The following A1CF variants were observed in gnomAD, a reference collection of about 807,000 sequenced individuals.
The protein encoded by A1CF is APOBEC-1 stimulating protein.
A1CF carries 48 observed loss-of-function variants against 68.9 expected under a neutral mutation model. The ratio of observed to expected loss-of-function variants is 0.70; its 90% CI spans 0.55 to 0.89. A1CF has a LOEUF of 0.89. Ranked by LOEUF, A1CF falls within the 40% of genes least tolerant of loss-of-function variation. The pLI is 0.00. For synonymous variants in A1CF, 272 were observed against 260.4 expected (o/e 1.04, Z -0.43); for missense variants, 653 against 718.9 (o/e 0.91, Z 1.05).
intron 3 of A1CF, among the ~76,000 whole-genome samples, chr10:50,849,549 A>G (rs1159575884): frequency 1.3e-5 from 2 of 152,230 alleles, no homozygotes; most frequent in African/African-American, 4.8e-5. Flanking sequence ...CGATATGAAC[A>G]TTATCAAATA....
At chr10:50,831,739 A>G (rs998097403) in intron 6 of A1CF, among the ~76,000 whole-genome samples, 6 of 152,360 alleles carry the variant, frequency 3.9e-5, no homozygotes, top group African/African-American at 1.4e-4. Flanking sequence ...AAAAATAAAA[A>G]ACAAAAACAG....
At chr10:50,859,520 G>T (rs1840642255) in intron 3 of A1CF, among the ~76,000 whole-genome samples, 1 of 152,268 alleles carries the variant, frequency 6.6e-6, no homozygotes, top group East Asian at 1.9e-4. Flanking sequence ...TTTATTTTCT[G>T]CTGATTCCTG....
Position 50,859,842 on chromosome 10 carries a change from CT to C in A1CF, c.98del (p.Gln33ArgfsTer53). ...LVQRTGYSLVQENGQRKYGGP... is the reference protein window; with the variant it reads ...LVQRTGYSLVXENGQRKYGGP... ...CTCAGCAGATTTCACAAGTTCCTACCTGGACCAAGCTATATCCTGTGCGCTG... is the reference window on the plus strand; with the variant it reads ...CTCAGCAGATTTCACAAGTTCCTACCGGACCAAGCTATATCCTGTGCGCTG... On this transcript the variant is annotated frameshift_variant and splice_region_variant, in exon 3 of 13. Transcript: ENST00000373997. LOFTEE classifies it high-confidence loss of function. The C allele has an allele frequency of 6.2e-7, 1 of 1,613,404 alleles. No individual in the cohort carries two copies. The highest frequency in any genetic ancestry group is 8.5e-7 in the Non-Finnish European group (1 of 1,179,630).
chr10:50,818,802 C>T (rs996346619), intron 8 of A1CF, among the ~76,000 whole-genome samples: 2 of 152,082 alleles, frequency 1.3e-5, no homozygotes, highest in Non-Finnish European at 2.9e-5. Context: ...TTTGAGTGGG[C>T]CCCTGAGGAG....
intron 1 of A1CF, among the ~76,000 whole-genome samples, chr10:50,877,825 G>A (rs1015290699): frequency 3.3e-5 from 5 of 152,150 alleles, no homozygotes; most frequent in African/African-American, 9.7e-5. Context: ...CTCTGTCTTA[G>A]AAAAAACTGA....
chr10:50,801,100 C>T lies in A1CF; in HGVS notation c.*5629G>A, dbSNP rs1400086615. ...ACCACCTAACCTGGCATAATAATGA[C>T]TAGCTTGCTCTGCCATATGAAGGCA... On this transcript the variant is annotated 3_prime_UTR_variant, in exon 13 of 13. Coordinates refer to ENST00000373997, the MANE Select transcript of A1CF (RefSeq NM_014576.4). 1 of 152,250 alleles carries T rather than the reference C, an allele frequency of 6.6e-6. No individual in the cohort carries two copies. The highest frequency in any genetic ancestry group is 1.5e-5 in the Non-Finnish European group (1 of 68,124). The allele number at this position is 152,250 out of a possible 1,614,324, so 9.4% of individuals were successfully genotyped here.
intron 1 of A1CF, among the ~76,000 whole-genome samples, chr10:50,874,037 G>A (rs1214937944): frequency 6.6e-6 from 1 of 151,934 alleles, no homozygotes; most frequent in Non-Finnish European, 1.5e-5. Context: ...CATTAAATCA[G>A]GGCATTAAAA....
intron 12 of A1CF, 111 bp from the exon 13 acceptor site, chr10:50,806,991 A>G: frequency 9.3e-7 from 1 of 1,080,620 alleles, no homozygotes; most frequent in Non-Finnish European, 1.3e-6. Flanking sequence ...TTAAAGCTAA[A>G]AGTTAATATA....
intron 3 of A1CF, among the ~76,000 whole-genome samples, chr10:50,846,143 C>T (rs918009395): frequency 1.3e-5 from 2 of 152,080 alleles, no homozygotes; most frequent in Admixed American, 6.6e-5. Flanking sequence ...CATGATGCCA[C>T]AAGTAGAAAA....
At chr10:50,820,791 C>CA (rs1254602642) in intron 7 of A1CF, 142 bp from the exon 8 acceptor site, 2 of 539,356 alleles carry the variant, frequency 3.7e-6, no homozygotes, top group Non-Finnish European at 6.2e-6. Context: ...CAAGAACATT[C>CA]AACAGAAGAT....
chr10:50,880,391 C>T (rs1356874169), intron 1 of A1CF, among the ~76,000 whole-genome samples: 2 of 152,128 alleles, frequency 1.3e-5, no homozygotes, highest in African/African-American at 2.4e-5. Flanking sequence ...AACCTATGTG[C>T]CTGGCATGTG....
chr10:50,873,100 T>C (rs564994503), intron 1 of A1CF, among the ~76,000 whole-genome samples: 5 of 151,784 alleles, frequency 3.3e-5, no homozygotes. Flanking sequence ...GGATTACAGA[T>C]GTGTGCCACT....
rs908135031 is a variant in A1CF, at chr10:50,805,643, G to A, written c.*1086C>T. On this transcript the variant is annotated 3_prime_UTR_variant, in exon 13 of 13. Transcript: ENST00000373997. ...TGATACTTACTGAAACAAAAAGGAA[G>A]GAAAGTTAGAGGATTTCCTGGCAGA... The A allele has an allele frequency of 6.6e-6, 1 of 152,338 alleles. No individual in the cohort carries two copies. Among genetic ancestry groups the A allele is most frequent in the East Asian group, 1.9e-4 (1 of 5,184 alleles). 9.4% of individuals were successfully genotyped at this position (152,338 alleles called of 1,614,324 possible).
intron 1 of A1CF, among the ~76,000 whole-genome samples, chr10:50,880,330 T>C (rs971493569): frequency 4.6e-5 from 7 of 152,164 alleles, no homozygotes; most frequent in Non-Finnish European, 1.0e-4. Context: ...ATTGGAAAAA[T>C]GGCGTAGCAA....
Position 50,811,193 on chromosome 10 carries a change from A to G in A1CF, c.1324-17T>C. Reference sequence around the variant, plus strand: ...TTCTAATATCTACAAGAATAAAAAAAGTTATTTCCCCCTCAAATGACACAT... The same window carrying G: ...TTCTAATATCTACAAGAATAAAAAAGGTTATTTCCCCCTCAAATGACACAT... On this transcript the variant is annotated splice_polypyrimidine_tract_variant and intron_variant, in intron 10 of 12. Coordinates refer to ENST00000373997, the MANE Select transcript of A1CF (RefSeq NM_014576.4). The G allele has an allele frequency of 2.5e-6, 4 of 1,590,468 alleles. No homozygotes were observed. Among genetic ancestry groups the G allele is most frequent in the Non-Finnish European group, 3.4e-6 (4 of 1,167,724 alleles).
intron 4 of A1CF, among the ~76,000 whole-genome samples, chr10:50,842,572 C>T (rs946114017): frequency 6.6e-6 from 1 of 152,178 alleles, no homozygotes; most frequent in Non-Finnish European, 1.5e-5. Context: ...AATTGTGCCA[C>T]TGCACTCCAG....
chr10:50,859,000 CTAATGGAAGGA>C (rs1417805414), intron 3 of A1CF, among the ~76,000 whole-genome samples: 2 of 151,986 alleles, frequency 1.3e-5, no homozygotes, highest in Admixed American at 6.6e-5. Context: ...AAAGGAGCAT[CTAATGGAAGGA>C]CACTCTTGCA....
At chr10:50,832,051 T>A (rs1448929920) in intron 6 of A1CF, among the ~76,000 whole-genome samples, 2 of 152,134 alleles carry the variant, frequency 1.3e-5, no homozygotes, top group African/African-American at 4.8e-5. Flanking sequence ...GATCCCGCAA[T>A]CACCATACTG....
In A1CF at chr10:50,800,679, G is replaced by A. The variant is rs1837563189; in HGVS notation, c.*6050C>T. 1 of 152,014 alleles carries A rather than the reference G, an allele frequency of 6.6e-6. No individual in the cohort carries two copies. Among genetic ancestry groups the A allele is most frequent in the Non-Finnish European group, 1.5e-5 (1 of 67,998 alleles). The allele number at this position is 152,014 out of a possible 1,614,324, so 9.4% of individuals were successfully genotyped here. A position where few individuals can be genotyped will look rare whatever the true frequency, so the allele number is the denominator to read the frequency against. On this transcript the variant is annotated 3_prime_UTR_variant, in exon 13 of 13. Transcript: ENST00000373997. ...AATAACAATAGAGCCTGTAAAACTTGTTTAATTTCCAATGTTAGTGAAGAG... is the reference window on the plus strand; with the variant it reads ...AATAACAATAGAGCCTGTAAAACTTATTTAATTTCCAATGTTAGTGAAGAG...
Sources: gnomAD v4.1 joint callset for allele counts (sites outside exome capture counted in the v4.1 genomes callset) on GRCh38, gnomAD v4.1.1 for gene constraint, MANE v1.5 for transcripts, NCBI Gene and HGNC (gene_info 2026-07-23, HGNC 2026-07-21) for gene names.